CSMD1: variants seen among roughly 807,000 people sequenced by gnomAD.
CSMD1 encodes the protein CUB and Sushi multiple domains 1, also known as CUB and sushi domain-containing protein 1.
CSMD1 carries 213 observed loss-of-function variants against 417.5 expected under a neutral mutation model. The ratio of observed to expected loss-of-function variants is 0.51; its 90% confidence interval spans 0.46 to 0.57. CSMD1 has a LOEUF of 0.57. CSMD1 is among the 20% of genes least tolerant of loss of function. The probability of loss-of-function intolerance (pLI) is 0.00; values close to 1 mark genes in which losing one functional copy is unlikely to be tolerated. For synonymous variants in CSMD1, 2,862 were observed against 1,736.8 expected, an observed-to-expected ratio of 1.65 and a Z score of -16.11; for missense variants, 6,923 against 4,529.7, an observed-to-expected ratio of 1.53 and a Z score of -15.17.
At chr8:4,787,336 C>A in intron 1 of CSMD1, 1 of 732,242 alleles carries the variant, frequency 1.4e-6, no homozygotes, top group East Asian at 2.6e-5. Context: ...AGGATAATGG[C>A]GACAGCTGAG....
chr8:4,876,888 A>C (rs1020203009), intron 1 of CSMD1, among the ~76,000 whole-genome samples: 1 of 152,118 alleles, frequency 6.6e-6, no homozygotes, highest in African/African-American at 2.4e-5. Flanking sequence ...AAAAAGGCAA[A>C]GAACACATTG....
At chr8:4,550,328 C>G (rs375369825) in intron 2 of CSMD1, among the ~76,000 whole-genome samples, 1 of 137,468 alleles carries the variant, frequency 7.3e-6, no homozygotes, top group Non-Finnish European at 1.6e-5. Flanking sequence ...CATACACACA[C>G]GCACACACAC....
chr8:4,959,333 A>G (rs927898990), intron 1 of CSMD1, among the ~76,000 whole-genome samples: 1 of 152,188 alleles, frequency 6.6e-6, no homozygotes, highest in Non-Finnish European at 1.5e-5. Context: ...CTTATTCAAC[A>G]TGTACCTGGT....
intron 3 of CSMD1, among the ~76,000 whole-genome samples, chr8:4,218,117 C>T (rs1281089736): frequency 6.6e-6 from 1 of 152,168 alleles, no homozygotes; most frequent in African/African-American, 2.4e-5. Flanking sequence ...TGGCGATGAC[C>T]TTGAACAGCA....
In CSMD1 at chr8:4,031,993, G is replaced by C. The variant is rs772961981; in HGVS notation, c.522C>G (p.Gly174=). The C allele has an allele frequency of 4.3e-6, 7 of 1,613,808 alleles. No individual in the cohort carries two copies. The highest frequency in any genetic ancestry group is 1.3e-5 in the African/African-American group (1 of 74,912). The change falls in exon 4 of 70, where the codon GGC becomes GGG. Residue 174 remains glycine, a synonymous_variant. Transcript: ENST00000635120. ...GGATGGCGTGGCCTTCCAAGATGTA[G>C]CCAGGGAGGCAGCTGTACCGGATTT... ...GDKIRYSCLP[G]YILEGHAILT...
In CSMD1 at chr8:3,890,945, C is replaced by G. The variant is rs571628439; in HGVS notation, c.818+106958G>C. ...GCTAGCTACTCTCTCATACGACTCT[C>G]ATACGACTCTCTCAATAACCTGTGA... On this transcript the variant is annotated intron_variant, in intron 5 of 69. Transcript: ENST00000635120. Among the ~76,000 whole-genome samples, 15 of 152,284 alleles carry G rather than the reference C, an allele frequency of 9.9e-5. No individual in the cohort carries two copies. The South Asian group carries it at 3.1e-3, about 32-fold the overall frequency.
intron 5 of CSMD1, among the ~76,000 whole-genome samples, chr8:3,926,014 T>TACACAC (rs10635075): frequency 0.21 from 26,063 of 122,166 alleles, 3,482 homozygotes; most frequent in East Asian, 0.56. Context: ...TATTTGTCTA[T>TACACAC]ACACACACAC....
At chr8:3,624,827 C>G (rs933842764) in intron 7 of CSMD1, among the ~76,000 whole-genome samples, 11 of 152,156 alleles carry the variant, frequency 7.2e-5, no homozygotes, top group African/African-American at 2.4e-5. Flanking sequence ...TCAGTATTAT[C>G]TCATTGAATT....
chr8:3,029,634 A>T, intron 50 of CSMD1, 121 bp from the exon 51 acceptor site: 1 of 738,366 alleles, frequency 1.4e-6, no homozygotes, highest in Non-Finnish European at 2.2e-6. Flanking sequence ...AGTTGATGCC[A>T]TTACGTATTA....
At chr8:4,787,440 A>T in intron 1 of CSMD1, 1 of 760,990 alleles carries the variant, frequency 1.3e-6, no homozygotes, top group Non-Finnish European at 2.4e-6. Context: ...ACAGCAGGAA[A>T]TGTAGCTAGA....
At chr8:4,762,649 T>C (rs547953717) in intron 1 of CSMD1, among the ~76,000 whole-genome samples, 1 of 152,108 alleles carries the variant, frequency 6.6e-6, no homozygotes, top group Non-Finnish European at 1.5e-5. Flanking sequence ...CGTCTCCACC[T>C]CTGCTGTAGC....
At chr8:4,375,021 A>G (rs1802642045) in intron 3 of CSMD1, among the ~76,000 whole-genome samples, 1 of 142,230 alleles carries the variant, frequency 7.0e-6, no homozygotes, top group Admixed American at 7.3e-5. Flanking sequence ...CAGGGCAGGG[A>G]GCTAGAGCAA....
At chr8:3,356,157 C>G (rs1460019232) in intron 21 of CSMD1, among the ~76,000 whole-genome samples, 1 of 152,196 alleles carries the variant, frequency 6.6e-6, no homozygotes, top group East Asian at 1.9e-4. Context: ...CCTTAGGTGT[C>G]ACCTGCAACC....
chr8:2,979,234 G>A (rs1004776548), intron 54 of CSMD1, among the ~76,000 whole-genome samples: 2 of 152,208 alleles, frequency 1.3e-5, no homozygotes, highest in Non-Finnish European at 2.9e-5. Flanking sequence ...TTGCATTAGT[G>A]CTTTAATATG....
At chr8:3,576,127 G>C (rs1454617724) in intron 9 of CSMD1, among the ~76,000 whole-genome samples, 6 of 151,884 alleles carry the variant, frequency 4.0e-5, no homozygotes, top group Admixed American at 2.0e-4. Flanking sequence ...TATTATTCTA[G>C]CAGACTCAGC....
rs796811228 is a variant in CSMD1, at chr8:3,943,410, GT to G, written c.818+54492del. 5.5e-3 allele frequency among the ~76,000 whole-genome samples: 534 copies of G among 96,970 alleles called. 3 individuals are homozygous for G. The highest frequency in any genetic ancestry group is 0.014 in the African/African-American group (347 of 24,718). The allele number at this position is 96,970 out of a possible 152,430, so 63.6% of individuals were successfully genotyped here. On this transcript the variant is annotated intron_variant, in intron 5 of 69. Transcript: ENST00000635120. ...GTTATATTAGAATGTCTTATAAGTTGTTTTTTTTTCATTAAAAAAAAAAAAA... is the reference window on the plus strand; with the variant it reads ...GTTATATTAGAATGTCTTATAAGTTGTTTTTTTTCATTAAAAAAAAAAAAA...
At chr8:3,804,364 C>T (rs1056445877) in intron 5 of CSMD1, among the ~76,000 whole-genome samples, 2 of 151,944 alleles carry the variant, frequency 1.3e-5, no homozygotes, top group African/African-American at 4.8e-5. Context: ...TCAAAAATAC[C>T]CAGTGTGAAT....
At chr8:4,345,989 A>C (rs1349468724) in intron 3 of CSMD1, among the ~76,000 whole-genome samples, 2 of 152,202 alleles carry the variant, frequency 1.3e-5, no homozygotes, top group African/African-American at 4.8e-5. Context: ...TTGGAATTTC[A>C]GTAGTTCACA....
chr8:3,648,994 G>A (rs765570596), intron 7 of CSMD1, among the ~76,000 whole-genome samples: 10 of 151,924 alleles, frequency 6.6e-5, no homozygotes, highest in Non-Finnish European at 1.2e-4. Context: ...TTCTCTTTGC[G>A]TCCAGCTTTT....
Sources: gnomAD v4.1 joint callset for allele counts (sites outside exome capture counted in the v4.1 genomes callset) on GRCh38, gnomAD v4.1.1 for gene constraint, MANE v1.5 for transcripts, NCBI Gene and HGNC (gene_info 2026-07-23, HGNC 2026-07-21) for gene names.